Variants in PFN2 observed in about 807,000 individuals in gnomAD.
PFN2 encodes profilin-2.
PFN2 carries 8 observed loss-of-function variants against 15.3 expected under a neutral mutation model. That is an observed-to-expected ratio of 0.52 (90% CI 0.31 to 0.95). PFN2 has a LOEUF of 0.95. Ranked by LOEUF, PFN2 falls within the 40% of genes least tolerant of loss-of-function variation. The pLI, the probability that PFN2 is intolerant of heterozygous loss-of-function variation, is 0.05. For synonymous variants in PFN2, 79 were observed against 67.9 expected, an observed-to-expected ratio of 1.16 and a Z score of -0.81; for missense variants, 111 against 182.3, an observed-to-expected ratio of 0.61 and a Z score of 2.25.
intron 1 of PFN2, 24 bp downstream of exon 1, chr3:149,970,701 G>A (rs1392137772): frequency 1.3e-6 from 2 of 1,493,076 alleles, no homozygotes; most frequent in Admixed American, 2.2e-5. Flanking sequence ...AGGGACCAGG[G>A]TACCGGCCGC....
Position 149,970,812 on chromosome 3 carries a change from G to C in PFN2, c.45C>G (p.Gly15=), listed in dbSNP as rs763608984. 2 of 1,512,030 alleles carry C rather than the reference G, an allele frequency of 1.3e-6. No individual in the cohort carries two copies. Among genetic ancestry groups the C allele is most frequent in the Non-Finnish European group, 8.9e-7 (1 of 1,126,804 alleles). 93.7% of individuals were successfully genotyped at this position (1,512,030 alleles called of 1,614,324 possible). ...QSYVDNLMCD[G]CCQEAAIVGY... ...CGACAATGGCGGCCTCCTGGCAGCAGCCATCGCACATCAGGTTATCCACGT... is the reference window on the plus strand; with the variant it reads ...CGACAATGGCGGCCTCCTGGCAGCACCCATCGCACATCAGGTTATCCACGT... The change falls in exon 1 of 3, where the codon GGC becomes GGG. Residue 15 remains glycine, a synonymous_variant. Transcript: ENST00000239940.
chr3:149,965,751 C>T lies in PFN2; in HGVS notation c.*738G>A, dbSNP rs1722667739. 9.6e-7 allele frequency: 1 copy of T among 1,046,836 alleles called. No individual in the cohort carries two copies. The highest frequency in any genetic ancestry group is 1.7e-5 in the African/African-American group (1 of 59,128). 64.8% of individuals were successfully genotyped at this position (1,046,836 alleles called of 1,614,324 possible). A position where few individuals can be genotyped will look rare whatever the true frequency, so the allele number is the denominator to read the frequency against. ...GAGAAGAGTGAAGGAATGATGCATG[C>T]ACTTTTTCCTCCCAACCATGCGCTA... On this transcript the variant is annotated 3_prime_UTR_variant, in exon 3 of 3. Coordinates refer to ENST00000239940, the MANE Select transcript of PFN2 (RefSeq NM_053024.4).
chr3:149,968,199 T>G (rs1168391944), intron 2 of PFN2, 159 bp downstream of exon 2: 5 of 614,786 alleles, frequency 8.1e-6, no homozygotes, highest in Non-Finnish European at 1.1e-5. Flanking sequence ...TGCTGTAGAG[T>G]AGGTAAAACT....
At chr3:149,969,244 G>A (rs905683157) in intron 1 of PFN2, among the ~76,000 whole-genome samples, 2 of 152,114 alleles carry the variant, frequency 1.3e-5, no homozygotes, top group Non-Finnish European at 2.9e-5. Flanking sequence ...ACAGCACTGC[G>A]GTAGGCAATA....
At chr3:149,969,441 G>A (rs905797639) in intron 1 of PFN2, among the ~76,000 whole-genome samples, 2 of 152,152 alleles carry the variant, frequency 1.3e-5, no homozygotes, top group Non-Finnish European at 2.9e-5. Context: ...TAGTCAGACA[G>A]CGGGAACTCA....
intron 1 of PFN2, among the ~76,000 whole-genome samples, chr3:149,969,401 C>A (rs1442589017): frequency 6.6e-6 from 1 of 152,156 alleles, no homozygotes; most frequent in East Asian, 1.9e-4. Flanking sequence ...CAGGCCCCAG[C>A]CATTTCCAAG....
intron 2 of PFN2, among the ~76,000 whole-genome samples, chr3:149,967,498 A>G (rs1461899890): frequency 2.6e-5 from 4 of 152,246 alleles, no homozygotes; most frequent in Non-Finnish European, 1.5e-5. Flanking sequence ...AGCATTAATT[A>G]TAACTCACAG....
chr3:149,969,497 G>GA (rs1293866510), intron 1 of PFN2, among the ~76,000 whole-genome samples: 1 of 152,182 alleles, frequency 6.6e-6, no homozygotes, highest in Non-Finnish European at 1.5e-5. Context: ...ATGACCAGAT[G>GA]CCAATTCCCT....
At chr3:149,969,377 C>G (rs929076283) in intron 1 of PFN2, among the ~76,000 whole-genome samples, 3 of 152,232 alleles carry the variant, frequency 2.0e-5, no homozygotes, top group African/African-American at 7.2e-5. Flanking sequence ...CCCATCAGAA[C>G]TGCAGAGTCA....
intron 2 of PFN2, 103 bp downstream of exon 2, chr3:149,968,255 T>G (rs1722745844): frequency 9.5e-7 from 1 of 1,047,434 alleles, no homozygotes; most frequent in African/African-American, 1.6e-5. Flanking sequence ...AAAAACCACC[T>G]TAATAGCCAT....
rs1413342117 is a variant in PFN2, at chr3:149,965,392, G to A, written c.*1097C>T. 6.8e-7 allele frequency: 1 copy of A among 1,464,252 alleles called. No individual in the cohort carries two copies. The highest frequency in any genetic ancestry group is 2.5e-5 in the East Asian group (1 of 40,226). 90.7% of individuals were successfully genotyped at this position (1,464,252 alleles called of 1,614,324 possible). ...CCTTTTACAATTTTACTAAAGAGTA[G>A]AGCTGGTGTGCAAAGAAAAAGGAAG... On this transcript the variant is annotated 3_prime_UTR_variant, in exon 3 of 3. Coordinates refer to ENST00000239940, the MANE Select transcript of PFN2 (RefSeq NM_053024.4).
In PFN2 at chr3:149,965,981, T is replaced by G; in HGVS notation, c.*508A>C. On this transcript the variant is annotated 3_prime_UTR_variant, in exon 3 of 3. Coordinates refer to ENST00000239940, the MANE Select transcript of PFN2 (RefSeq NM_053024.4). The stretch of plus-strand genomic sequence containing the variant: ...ATGCAAATCATTATTGTGCTGCAAT[T>G]ATGTTGCCAGATAAGGGTTGGTTAC... The G allele has an allele frequency of 7.2e-7, 1 of 1,386,620 alleles. No homozygotes were observed. Among genetic ancestry groups the G allele is most frequent in the East Asian group, 2.7e-5 (1 of 37,584 alleles). 85.9% of individuals were successfully genotyped at this position (1,386,620 alleles called of 1,614,324 possible).
At position 149,970,769 on chromosome 3, in the gene PFN2, A is replaced by T; in HGVS notation, c.88T>A (p.Tyr30Asn). The change falls in exon 1 of 3, where the codon TAC (tyrosine) becomes AAC (asparagine). Residue 30 changes from tyrosine (Y) to asparagine (N), a missense_variant. Tyr to Asn is a moderately radical substitution (Grantham distance 143). Coordinates refer to ENST00000239940, the MANE Select transcript of PFN2 (RefSeq NM_053024.4). ...AAIVGYCDAKYVWAATAGGVF... is the reference protein window; with the variant it reads ...AAIVGYCDAKNVWAATAGGVF... ...CCCCCGGCCGTGGCTGCCCAGACGT[A>T]TTTGGCGTCGCAGTAGCCGACAATG... is the stretch of plus-strand genomic sequence containing the variant. 1 of 1,518,994 alleles carries T rather than the reference A, an allele frequency of 6.6e-7. No individual in the cohort carries two copies. 94.1% of individuals were successfully genotyped at this position (1,518,994 alleles called of 1,614,324 possible).
chr3:149,964,909 T>C lies in PFN2; in HGVS notation c.*1580A>G, dbSNP rs962845610. On this transcript the variant is annotated 3_prime_UTR_variant, in exon 3 of 3. Coordinates refer to ENST00000239940, the MANE Select transcript of PFN2 (RefSeq NM_053024.4). ...AACAACAGGAGCCTAGAGTATTTGG[T>C]TGGAATAAATTTATTTCATCTGTCT... 1.5e-5 allele frequency: 4 copies of C among 274,944 alleles called. No homozygotes were observed. The highest frequency in any genetic ancestry group is 2.7e-5 in the Non-Finnish European group (4 of 147,164). 17.0% of individuals were successfully genotyped at this position (274,944 alleles called of 1,614,324 possible). A position where few individuals can be genotyped will look rare whatever the true frequency, so the allele number is the denominator to read the frequency against.
chr3:149,967,255 T>C (rs915135902), intron 2 of PFN2, among the ~76,000 whole-genome samples: 1 of 152,238 alleles, frequency 6.6e-6, no homozygotes, highest in Admixed American at 6.5e-5. Context: ...TATATGTATA[T>C]GTCAAATTTT....
rs1393882773 is a variant in PFN2, at chr3:149,965,556, A to T, written c.*933T>A. ...TATGTCCTGTAGACACTATGAATAA[A>T]GGTTTGTCTCTGCTCAAGTGCAACA... On this transcript the variant is annotated 3_prime_UTR_variant, in exon 3 of 3. Coordinates refer to ENST00000239940, the MANE Select transcript of PFN2 (RefSeq NM_053024.4). 4 of 1,273,404 alleles carry T rather than the reference A, an allele frequency of 3.1e-6. No individual in the cohort carries two copies. Among genetic ancestry groups the T allele is most frequent in the Non-Finnish European group, 4.0e-6 (4 of 1,012,006 alleles). The allele number at this position is 1,273,404 out of a possible 1,614,324, so 78.9% of individuals were successfully genotyped here. A position where few individuals can be genotyped will look rare whatever the true frequency, so the allele number is the denominator to read the frequency against.
At chr3:149,967,761 T>C (rs765534896) in intron 2 of PFN2, among the ~76,000 whole-genome samples, 2 of 152,222 alleles carry the variant, frequency 1.3e-5, no homozygotes, top group Non-Finnish European at 1.5e-5. Context: ...CACCTGAATT[T>C]CTGGACCAAG....
Position 149,964,998 on chromosome 3 carries a change from C to T in PFN2, c.*1491G>A, listed in dbSNP as rs186216980. 87 of 497,970 alleles carry T rather than the reference C, an allele frequency of 1.7e-4. No individual in the cohort carries two copies. Among genetic ancestry groups the T allele is most frequent in the Non-Finnish European group, 3.0e-4 (84 of 284,074 alleles). 30.8% of individuals were successfully genotyped at this position (497,970 alleles called of 1,614,324 possible). A position where few individuals can be genotyped will look rare whatever the true frequency, so the allele number is the denominator to read the frequency against. ...TGCATATTAAATCAGATGAGTTAGA[C>T]TGTATCCCAGATGTAACAAAGTGCA... On this transcript the variant is annotated 3_prime_UTR_variant, in exon 3 of 3. Transcript: ENST00000239940.
intron 1 of PFN2, among the ~76,000 whole-genome samples, chr3:149,969,435 C>T (rs1044319958): frequency 6.6e-5 from 10 of 152,196 alleles, no homozygotes; most frequent in African/African-American, 2.4e-4. Context: ...TCTTCCTAGT[C>T]AGACAGCGGG....
Sources: gnomAD v4.1 joint callset for allele counts (sites outside exome capture counted in the v4.1 genomes callset) on GRCh38, gnomAD v4.1.1 for gene constraint, MANE v1.5 for transcripts, NCBI Gene and HGNC (gene_info 2026-07-23, HGNC 2026-07-21) for gene names.